The following BCAR3 variants were observed in gnomAD, a reference collection of about 807,000 sequenced individuals.
The protein encoded by BCAR3 is BCAR3 adaptor protein, NSP family member.
A neutral mutation model predicts 80.1 loss-of-function variants in BCAR3; 37 were observed. That is an observed-to-expected ratio of 0.46 (90% CI 0.36 to 0.61). BCAR3 has a LOEUF of 0.61. Among genes scored for constraint, BCAR3 ranks in the 20% least tolerant of loss-of-function variants. The pLI is 0.00. For missense variants in BCAR3, 978 were observed against 1,068.2 expected, an observed-to-expected ratio of 0.92 and a Z score of 1.18; for synonymous variants, 389 against 418.9, an observed-to-expected ratio of 0.93 and a Z score of 0.87.
Position 93,828,385 on chromosome 1 carries a change from C to T in BCAR3, c.-63+17182G>A, listed in dbSNP as rs1430438051. The stretch of plus-strand genomic sequence containing the variant: ...CTCTCTTCCAAATTAAGCTATAAAA[C>T]CTAGAAATATTACTCTGACCTTCCC... On this transcript the variant is annotated intron_variant, in intron 2 of 13. Coordinates refer to the BCAR3 transcript ENST00000370244. Among the ~76,000 whole-genome samples the T allele has an allele frequency of 2.6e-5, 4 of 152,314 alleles. No individual in the cohort carries two copies. In the East Asian group the frequency reaches 7.7e-4, roughly 29 times the overall value.
At chr1:93,756,314 C>A (rs1387399923) in intron 2 of BCAR3, among the ~76,000 whole-genome samples, 1 of 152,158 alleles carries the variant, frequency 6.6e-6, no homozygotes, top group Non-Finnish European at 1.5e-5. Flanking sequence ...AGTGTTCACT[C>A]TTAACCCCTT....
chr1:93,626,342 T>A (rs1188557606), intron 3 of BCAR3, among the ~76,000 whole-genome samples: 1 of 152,134 alleles, frequency 6.6e-6, no homozygotes, highest in African/African-American at 2.4e-5. Context: ...TAAATATGGA[T>A]TTAGATAAAC....
intron 2 of BCAR3, among the ~76,000 whole-genome samples, chr1:93,650,698 G>T (rs1413907675): frequency 6.6e-6 from 1 of 152,188 alleles, no homozygotes; most frequent in East Asian, 1.9e-4. Context: ...TGTTATAAGT[G>T]TGACCTGTGT....
At chr1:93,613,330 A>G (rs1675010696) in intron 3 of BCAR3, among the ~76,000 whole-genome samples, 2 of 152,222 alleles carry the variant, frequency 1.3e-5, no homozygotes, top group Admixed American at 6.5e-5. Flanking sequence ...CCGGTGTCTT[A>G]TAACAAATGT....
chr1:93,695,201 C>A (rs1310456315), intron 3 of BCAR3, among the ~76,000 whole-genome samples: 1 of 152,180 alleles, frequency 6.6e-6, no homozygotes, highest in African/African-American at 2.4e-5. Context: ...CAGTCTGGAC[C>A]CATATCCTTC....
chr1:93,736,344 C>T lies in BCAR3; in HGVS notation c.-62-30202G>A, dbSNP rs141204610. On this transcript the variant is annotated intron_variant, in intron 2 of 13. Coordinates refer to the BCAR3 transcript ENST00000370244. ...ATGGGATTACAAGCGCGTGCCACTG[C>T]ACCCAGCTAATTTTTTGTATTTTTA... Among the ~76,000 whole-genome samples, 24 of 152,310 alleles carry T rather than the reference C, an allele frequency of 1.6e-4. No homozygotes were observed. In the East Asian group the frequency reaches 4.6e-3, roughly 29 times the overall value.
rs150323770 is a variant in BCAR3, at chr1:93,667,116, A to C, written c.317+7498T>G. On this transcript the variant is annotated intron_variant, in intron 2 of 11. Coordinates refer to ENST00000260502, the MANE Select transcript of BCAR3 (RefSeq NM_003567.4). ...CTTACCCAAGGTCACAAAGCTACCA[A>C]GTCAGGCTGCTGGAATCAGCGTCAA... 2.1e-4 allele frequency among the ~76,000 whole-genome samples: 32 copies of C among 152,378 alleles called. No individual in the cohort carries two copies. In the East Asian group the frequency reaches 5.8e-3, roughly 28 times the overall value.
At chr1:93,804,911 G>A (rs2100794604) in intron 2 of BCAR3, among the ~76,000 whole-genome samples, 1 of 152,154 alleles carries the variant, frequency 6.6e-6, no homozygotes, top group South Asian at 2.1e-4. Context: ...ACGTCTTTTG[G>A]GTAAATACTT....
Position 93,790,653 on chromosome 1 carries a change from T to G in BCAR3, c.-63+54914A>C, listed in dbSNP as rs922610229. 4.7e-3 allele frequency among the ~76,000 whole-genome samples: 251 copies of G among 53,428 alleles called. 3 individuals carry two copies. Among genetic ancestry groups the G allele is most frequent in the South Asian group, 0.012 (10 of 810 alleles). The allele number at this position is 53,428 out of a possible 152,430, so 35.1% of individuals were successfully genotyped here. ...GTATTCATTTTTTTTTTTTCTTAAT[T>G]TTTTTTTTTTTAATTATACTTTAAG... On this transcript the variant is annotated intron_variant, in intron 2 of 13. Transcript: ENST00000370244.
chr1:93,709,519 C>G (rs1159960042), intron 2 of BCAR3, among the ~76,000 whole-genome samples: 3 of 152,282 alleles, frequency 2.0e-5, no homozygotes, highest in Middle Eastern at 3.4e-3. Context: ...GCCAGGGGCT[C>G]CAGGACACAG....
chr1:93,702,874 T>C (rs945109659), intron 3 of BCAR3, among the ~76,000 whole-genome samples: 6 of 152,228 alleles, frequency 3.9e-5, no homozygotes, highest in Non-Finnish European at 7.3e-5. Flanking sequence ...GTTTTCATGA[T>C]AGAATGGCAG....
chr1:93,676,342 G>A (rs1432775323), intron 1 of BCAR3, among the ~76,000 whole-genome samples: 1 of 152,204 alleles, frequency 6.6e-6, no homozygotes, highest in African/African-American at 2.4e-5. Context: ...GTATGTGTGT[G>A]TACAACAAAA....
intron 2 of BCAR3, among the ~76,000 whole-genome samples, chr1:93,819,163 T>C (rs1007457531): frequency 3.3e-5 from 5 of 151,882 alleles, no homozygotes; most frequent in African/African-American, 9.7e-5. Context: ...GCCTCCCCGG[T>C]TCAAGCCATT....
chr1:93,726,634 C>A (rs1650593589), intron 2 of BCAR3, among the ~76,000 whole-genome samples: 1 of 152,176 alleles, frequency 6.6e-6, no homozygotes, highest in Non-Finnish European at 1.5e-5. Context: ...CTTTTGCCCA[C>A]AATCTGGATT....
chr1:93,617,685 C>T (rs1675170250), intron 3 of BCAR3, among the ~76,000 whole-genome samples: 2 of 152,262 alleles, frequency 1.3e-5, no homozygotes, highest in Admixed American at 6.5e-5. Context: ...GGTGATCTGG[C>T]TCTTGCTGAA....
intron 2 of BCAR3, among the ~76,000 whole-genome samples, chr1:93,669,070 G>A (rs1411260184): frequency 6.6e-6 from 1 of 151,940 alleles, no homozygotes; most frequent in Non-Finnish European, 1.5e-5. Context: ...TACACAAAAA[G>A]CTTCCAATTT....
rs1179896048 is a variant in BCAR3 at position 93,582,442 on chromosome 1, G to C, written c.1545C>G (p.Phe515Leu). The change falls in exon 7 of 12, where the codon TTC (phenylalanine) becomes TTG (leucine). Residue 515 changes from phenylalanine (F) to leucine (L), a missense_variant. Physicochemically the swap from Phe to Leu is conservative, Grantham distance 22. Transcript: ENST00000260502. ...ACTTTGACTCAAACTCGTTGGGCCT[G>C]AAGGAGGAGACAGTCTCCAGGAGGG... Reference protein sequence around the residue: ...VTPLLETVSSFRPNEFESKFL... With the variant: ...VTPLLETVSSLRPNEFESKFL... The C allele has an allele frequency of 5.0e-6, 8 of 1,614,076 alleles. No individual in the cohort carries two copies.
intron 2 of BCAR3, among the ~76,000 whole-genome samples, chr1:93,724,083 G>T (rs1464483440): frequency 6.6e-6 from 1 of 152,212 alleles, no homozygotes; most frequent in East Asian, 1.9e-4. Flanking sequence ...GGGCAACAAA[G>T]TGATTAAGTA....
At chr1:93,596,526 G>T (rs1674424751) in intron 3 of BCAR3, among the ~76,000 whole-genome samples, 1 of 152,214 alleles carries the variant, frequency 6.6e-6, no homozygotes, top group Admixed American at 6.5e-5. Context: ...GAGTAACACG[G>T]CTGTGCTCTC....
Sources: allele counts gnomAD v4.1 joint callset (sites outside exome capture counted in the v4.1 genomes callset), GRCh38; gene constraint gnomAD v4.1.1; transcripts MANE v1.5; gene names NCBI Gene and HGNC (gene_info 2026-07-23, HGNC 2026-07-21).